Variants in KIRREL3 observed in about 807,000 individuals in gnomAD.
The protein encoded by KIRREL3 is kirre like nephrin family adhesion molecule 3.
In KIRREL3, 36 loss-of-function variants were observed where a neutral mutation model predicts 89.7. The ratio of observed to expected loss-of-function variants is 0.40; its 90% CI spans 0.31 to 0.53. The LOEUF (loss-of-function observed/expected upper bound fraction) is 0.53, where lower values mean the gene tolerates loss of function less well. KIRREL3 is among the 20% of genes least tolerant of loss of function. KIRREL3 has a pLI of 0.49. For missense variants in KIRREL3, 864 were observed against 1,056.6 expected (o/e 0.82, Z 2.53); for synonymous variants, 445 against 441.4 (o/e 1.01, Z -0.10).
chr11:126,497,611 G>A (rs1000611806), intron 4 of KIRREL3, among the ~76,000 whole-genome samples: 1 of 152,228 alleles, frequency 6.6e-6, no homozygotes, highest in African/African-American at 2.4e-5. Flanking sequence ...AGATGCTCAA[G>A]CTCAGAGAAG....
Position 126,490,977 on chromosome 11 carries a change from G to A in KIRREL3, c.434-17511C>T, listed in dbSNP as rs77664037. On this transcript the variant is annotated intron_variant, in intron 4 of 16. Transcript: ENST00000525144. The surrounding 1 kb of genome is among the most constrained non-coding windows in gnomAD (Gnocchi z 4.2). ...CCTGCACGAGGAGGGGGCGTTTGGA[G>A]GGTGGAGGAGAGCCTGTTGTCTCTT... is the stretch of plus-strand genomic sequence containing the variant. Among the ~76,000 whole-genome samples the A allele has an allele frequency of 4.9e-3, 750 of 152,332 alleles. 3 individuals are homozygous for A. Among genetic ancestry groups the A allele is most frequent in the African/African-American group, 0.017 (693 of 41,576 alleles).
In KIRREL3 at chr11:126,771,917, G is replaced by A. The variant is rs1024087813; in HGVS notation, c.56-209005C>T. On this transcript the variant is annotated intron_variant, in intron 1 of 16. Coordinates refer to ENST00000525144, the MANE Select transcript of KIRREL3 (RefSeq NM_032531.4). This position sits in a 1 kb window ranked among gnomAD's most constrained non-coding sequence, Gnocchi z 4.4. ...GGCTGAGCATGCAGCAATAGAAGAC[G>A]ACGTCCTCTTGCCTTGGCTAGATCC... Among the ~76,000 whole-genome samples, 1 of 152,180 alleles carries A rather than the reference G, an allele frequency of 6.6e-6. No individual in the cohort carries two copies. The highest frequency in any genetic ancestry group is 2.4e-5 in the African/African-American group (1 of 41,456).
chr11:126,440,963 C>T (rs1395242098), intron 10 of KIRREL3: 4 of 204,818 alleles, frequency 2.0e-5, no homozygotes, highest in Non-Finnish European at 3.0e-5. Flanking sequence ...AAGACTCCCC[C>T]GCCTCAGCCA....
chr11:126,978,751 C>A lies in KIRREL3; in HGVS notation c.55+21704G>T, dbSNP rs891870670. On this transcript the variant is annotated intron_variant, in intron 1 of 16. Transcript: ENST00000525144. This position sits in a 1 kb window ranked among gnomAD's most constrained non-coding sequence, Gnocchi z 4.2. ...GGTGGGAGTTTCTCTGAGCTCTGTT[C>A]CCCCAAGGTGGGCTAGGCAACCCTA... is the stretch of plus-strand genomic sequence containing the variant. Among the ~76,000 whole-genome samples the A allele has an allele frequency of 5.3e-5, 8 of 152,126 alleles. No homozygotes were observed. The highest frequency in any genetic ancestry group is 1.9e-4 in the African/African-American group (8 of 41,440).
intron 1 of KIRREL3, among the ~76,000 whole-genome samples, chr11:126,589,629 G>A (rs1489067958): frequency 6.6e-6 from 1 of 152,208 alleles, no homozygotes; most frequent in Non-Finnish European, 1.5e-5. Flanking sequence ...GCAGTGCTGG[G>A]ATAAGTGCTC....
rs1945063121 is a variant in KIRREL3, at chr11:126,870,213, G to C, written c.55+130242C>G. 6.6e-6 allele frequency among the ~76,000 whole-genome samples: 1 copy of C among 152,154 alleles called. No homozygotes were observed. Among genetic ancestry groups the C allele is most frequent in the African/African-American group, 2.4e-5 (1 of 41,444 alleles). ...TGTTCACGGTCTAAAGCCACATCCTGTCTGCCCCAGGCTCATATTCTGCCA... is the reference window on the plus strand; with the variant it reads ...TGTTCACGGTCTAAAGCCACATCCTCTCTGCCCCAGGCTCATATTCTGCCA... On this transcript the variant is annotated intron_variant, in intron 1 of 16. Coordinates refer to ENST00000525144, the MANE Select transcript of KIRREL3 (RefSeq NM_032531.4). This position sits in a 1 kb window ranked among gnomAD's most constrained non-coding sequence, Gnocchi z 4.4.
At chr11:126,497,581 A>G (rs1222534568) in intron 4 of KIRREL3, among the ~76,000 whole-genome samples, 1 of 152,224 alleles carries the variant, frequency 6.6e-6, no homozygotes, top group South Asian at 2.1e-4. Context: ...CTGTTATCAC[A>G]GGGAACTCTC....
rs1946834090 is a variant in KIRREL3, at chr11:126,911,916, G to T, written c.55+88539C>A. Among the ~76,000 whole-genome samples the T allele has an allele frequency of 1.3e-5, 2 of 149,804 alleles. 1 individual carries two copies. The highest frequency in any genetic ancestry group is 4.3e-4 in the South Asian group (2 of 4,694). On this transcript the variant is annotated intron_variant, in intron 1 of 16. Transcript: ENST00000525144. ...GAGAATGGGGTGAACCCGGGAGGCA[G>T]AGCTTGCAGTGAGCCGAGATGGCAC...
At position 126,462,096 on chromosome 11, in the gene KIRREL3, C is replaced by T. The variant is rs1363512631; in HGVS notation, c.742+1061G>A. 6.6e-6 allele frequency among the ~76,000 whole-genome samples: 1 copy of T among 152,168 alleles called. No individual in the cohort carries two copies. The highest frequency in any genetic ancestry group is 2.4e-5 in the African/African-American group (1 of 41,424). On this transcript the variant is annotated intron_variant, in intron 6 of 16. Transcript: ENST00000525144. The surrounding 1 kb of genome is among the most constrained non-coding windows in gnomAD (Gnocchi z 4.8). ...TCTTCTTGGTTCTGGGGCTGACAGG[C>T]ACCTTAGGGAGACTTTTAGGAGACT...
intron 4 of KIRREL3, among the ~76,000 whole-genome samples, chr11:126,487,633 G>C (rs1266100317): frequency 6.6e-6 from 1 of 152,098 alleles, no homozygotes; most frequent in Non-Finnish European, 1.5e-5. Context: ...TTCTACATTT[G>C]AAAAAGGGCA....
At chr11:126,975,928 C>CT (rs1949559839) in intron 1 of KIRREL3, among the ~76,000 whole-genome samples, 1 of 113,724 alleles carries the variant, frequency 8.8e-6, no homozygotes, top group African/African-American at 3.2e-5. Flanking sequence ...TCCTCCCTCC[C>CT]TCCCTCCCTC....
At chr11:126,979,516 G>A (rs1181957734) in intron 1 of KIRREL3, among the ~76,000 whole-genome samples, 3 of 152,328 alleles carry the variant, frequency 2.0e-5, no homozygotes, top group African/African-American at 7.2e-5. Context: ...TGGGGAAGGT[G>A]AGAGTCTGGT....
Position 126,860,031 on chromosome 11 carries a change from A to C in KIRREL3, c.55+140424T>G, listed in dbSNP as rs1944655489. Among the ~76,000 whole-genome samples, 1 of 152,168 alleles carries C rather than the reference A, an allele frequency of 6.6e-6. No homozygotes were observed. Among genetic ancestry groups the C allele is most frequent in the African/African-American group, 2.4e-5 (1 of 41,432 alleles). Reference sequence around the variant, plus strand: ...GCTGTATTAACTCTGACGTTCTACTATTGTCTGAGAAGCGTAATCTGAAAG... The same window carrying C: ...GCTGTATTAACTCTGACGTTCTACTCTTGTCTGAGAAGCGTAATCTGAAAG... On this transcript the variant is annotated intron_variant, in intron 1 of 16. Coordinates refer to ENST00000525144, the MANE Select transcript of KIRREL3 (RefSeq NM_032531.4). The surrounding 1 kb of genome is among the most constrained non-coding windows in gnomAD (Gnocchi z 4.6).
intron 1 of KIRREL3, among the ~76,000 whole-genome samples, chr11:126,984,317 A>G (rs1949796547): frequency 6.6e-6 from 1 of 152,250 alleles, no homozygotes; most frequent in African/African-American, 2.4e-5. Context: ...TGCACCAGGC[A>G]AGTGACAGAG....
rs1951314260 is a variant in KIRREL3 at position 126,809,598 on chromosome 11, CTTTG to C, written c.55+190853_55+190856del. Among the ~76,000 whole-genome samples, 3 of 152,284 alleles carry C rather than the reference CTTTG, an allele frequency of 2.0e-5. No homozygotes were observed. The South Asian group carries it at 6.2e-4, about 32-fold the overall frequency. On this transcript the variant is annotated intron_variant, in intron 1 of 16. Coordinates refer to ENST00000525144, the MANE Select transcript of KIRREL3 (RefSeq NM_032531.4). ...TTAGACCAGTAACTTTATTTGAGAG[CTTTG>C]TTTAACTAATTAATTAATTCAATCG... is the stretch of plus-strand genomic sequence containing the variant.
Position 126,860,946 on chromosome 11 carries a change from C to A in KIRREL3, c.55+139509G>T, listed in dbSNP as rs1017346356. Reference sequence around the variant, plus strand: ...CTCCTATACAAAGCCTCTCCTGGTGCTACCAGAGGCAAACAAATTCTCCCT... The same window carrying A: ...CTCCTATACAAAGCCTCTCCTGGTGATACCAGAGGCAAACAAATTCTCCCT... On this transcript the variant is annotated intron_variant, in intron 1 of 16. Coordinates refer to ENST00000525144, the MANE Select transcript of KIRREL3 (RefSeq NM_032531.4). This position sits in a 1 kb window ranked among gnomAD's most constrained non-coding sequence, Gnocchi z 4.6. Among the ~76,000 whole-genome samples the A allele has an allele frequency of 6.6e-6, 1 of 152,170 alleles. No individual in the cohort carries two copies. Among genetic ancestry groups the A allele is most frequent in the South Asian group, 2.1e-4 (1 of 4,824 alleles).
chr11:126,980,218 T>C (rs933463601), intron 1 of KIRREL3, among the ~76,000 whole-genome samples: 1 of 152,198 alleles, frequency 6.6e-6, no homozygotes, highest in Non-Finnish European at 1.5e-5. Flanking sequence ...TACAAAGGCA[T>C]GGCATATCCA....
At chr11:126,460,430 G>C (rs1455324792) in intron 6 of KIRREL3, among the ~76,000 whole-genome samples, 1 of 152,160 alleles carries the variant, frequency 6.6e-6, no homozygotes, top group African/African-American at 2.4e-5. Context: ...AGGAAATCGG[G>C]GCACAAGGAG....
intron 1 of KIRREL3, among the ~76,000 whole-genome samples, chr11:126,882,153 G>A (rs2042959320): frequency 6.6e-6 from 1 of 152,086 alleles, no homozygotes. Context: ...CTGCCCTCTT[G>A]ACTTTCTCTG....
Sources: allele counts gnomAD v4.1 joint callset (sites outside exome capture counted in the v4.1 genomes callset), GRCh38; gene constraint gnomAD v4.1.1; non-coding constraint Gnocchi (gnomAD v3.1); transcripts MANE v1.5; gene names NCBI Gene and HGNC (gene_info 2026-07-23, HGNC 2026-07-21).